The following STAT3 variants were observed in gnomAD, a reference collection of about 807,000 sequenced individuals.
STAT3 encodes the protein signal transducer and activator of transcription 3, also known as DNA-binding protein APRF.
STAT3 carries 7 observed loss-of-function variants against 114.3 expected under a neutral mutation model. The ratio of observed to expected loss-of-function variants is 0.06; its 90% CI spans 0.03 to 0.11. The LOEUF (loss-of-function observed/expected upper bound fraction) is 0.11, where lower values mean the gene tolerates loss of function less well. STAT3 is among the 10% of genes least tolerant of loss of function. The pLI is 1.00. For missense variants in STAT3, 364 were observed against 960.9 expected (o/e 0.38, Z 8.21); for synonymous variants, 331 against 354.5 (o/e 0.93, Z 0.74).
intron 1 of STAT3, among the ~76,000 whole-genome samples, chr17:42,365,652 G>GTT (rs758091970): frequency 2.4e-4 from 28 of 116,944 alleles, no homozygotes; most frequent in African/African-American, 3.7e-4. Flanking sequence ...TTTTTTTTTT[G>GTT]TTTTTTTTTG....
chr17:42,373,566 T>A lies in STAT3; in HGVS notation c.-24+14713A>T, dbSNP rs562004842. The stretch of plus-strand genomic sequence containing the variant: ...ACTCTGCCTCAAAAATAAAATAAAA[T>A]AAAAATAATAAAGTCTATTAATTTT... On this transcript the variant is annotated intron_variant, in intron 1 of 23. Transcript: ENST00000264657. 7.8e-4 allele frequency among the ~76,000 whole-genome samples: 117 copies of A among 149,404 alleles called. 1 individual carries two copies. The highest frequency in any genetic ancestry group is 2.8e-3 in the African/African-American group (114 of 40,618).
chr17:42,379,255 G>A (rs1039690255), intron 1 of STAT3, among the ~76,000 whole-genome samples: 5 of 151,908 alleles, frequency 3.3e-5, no homozygotes, highest in African/African-American at 1.2e-4. Context: ...CCCCGCATAC[G>A]GCCAGGAAAA....
intron 8 of STAT3, among the ~76,000 whole-genome samples, chr17:42,336,364 G>A (rs1394049769): frequency 6.6e-6 from 1 of 152,164 alleles, no homozygotes; most frequent in Admixed American, 6.6e-5. Flanking sequence ...TTGAGAGGCC[G>A]AAGTGGGATG....
rs149735567 is a variant in STAT3 at position 42,318,314 on chromosome 17, A to G, written c.2102-1090T>C. 1.6e-3 allele frequency among the ~76,000 whole-genome samples: 237 copies of G among 151,958 alleles called. 2 individuals are homozygous for G. Among genetic ancestry groups the G allele is most frequent in the African/African-American group, 5.3e-3 (220 of 41,430 alleles). Reference sequence around the variant, plus strand: ...TTTTTTTTTTGTAATTTTAGTAGAGATGAGGTTTCACCATGTTGGCCAGGC... The same window carrying G: ...TTTTTTTTTTGTAATTTTAGTAGAGGTGAGGTTTCACCATGTTGGCCAGGC... On this transcript the variant is annotated intron_variant, in intron 21 of 23. Coordinates refer to ENST00000264657, the MANE Select transcript of STAT3 (RefSeq NM_139276.3).
chr17:42,370,485 A>G (rs1362928774), intron 1 of STAT3, among the ~76,000 whole-genome samples: 2 of 148,812 alleles, frequency 1.3e-5, no homozygotes, highest in African/African-American at 5.0e-5. Context: ...ACCTCGGGTG[A>G]TCTGCCCATC....
At chr17:42,363,048 C>T (rs190691565) in intron 1 of STAT3, among the ~76,000 whole-genome samples, 13 of 152,312 alleles carry the variant, frequency 8.5e-5, no homozygotes, top group Admixed American at 6.5e-4. Context: ...TGCTCACTAG[C>T]GTGTCCTACC....
chr17:42,325,523 TGCTAA>T (rs1168703222), intron 15 of STAT3, among the ~76,000 whole-genome samples: 2 of 152,138 alleles, frequency 1.3e-5, no homozygotes, highest in South Asian at 2.1e-4. Context: ...ACACACTGGC[TGCTAA>T]GACTCTTATG....
chr17:42,379,123 TC>T (rs2084636187), intron 1 of STAT3, among the ~76,000 whole-genome samples: 1 of 152,142 alleles, frequency 6.6e-6, no homozygotes, highest in African/African-American at 2.4e-5. Flanking sequence ...AGAAATGGCT[TC>T]TACAAAAACT....
intron 21 of STAT3, 95 bp downstream of exon 21, chr17:42,322,187 G>A: frequency 8.6e-7 from 1 of 1,162,802 alleles, no homozygotes; most frequent in Non-Finnish European, 1.3e-6. Flanking sequence ...TTATCCCCCA[G>A]GTTATTCAGG....
intron 1 of STAT3, among the ~76,000 whole-genome samples, chr17:42,354,475 T>C (rs1160020400): frequency 3.3e-5 from 5 of 151,666 alleles, no homozygotes; most frequent in Non-Finnish European, 1.5e-5. Context: ...GCCTGTGTTA[T>C]TTCTTAAAAC....
intron 1 of STAT3, among the ~76,000 whole-genome samples, chr17:42,380,269 C>T (rs868795463): frequency 1.7e-4 from 26 of 149,106 alleles, no homozygotes; most frequent in African/African-American, 2.5e-4. Context: ...ACTCCTGACC[C>T]GCCTCGGCCT....
chr17:42,379,203 G>A (rs1409980971), intron 1 of STAT3, among the ~76,000 whole-genome samples: 1 of 152,144 alleles, frequency 6.6e-6, no homozygotes, highest in Non-Finnish European at 1.5e-5. Flanking sequence ...TTATTTCCCA[G>A]AAGGTTTACT....
At chr17:42,381,036 T>TC (rs1418580515) in intron 1 of STAT3, among the ~76,000 whole-genome samples, 1 of 152,220 alleles carries the variant, frequency 6.6e-6, no homozygotes, top group Non-Finnish European at 1.5e-5. Context: ...CAAGTGGACC[T>TC]CGTTTCCACA....
intron 1 of STAT3, among the ~76,000 whole-genome samples, chr17:42,349,512 G>C (rs1238769580): frequency 6.6e-6 from 1 of 152,174 alleles, no homozygotes; most frequent in Non-Finnish European, 1.5e-5. Context: ...AGGTTTAAAA[G>C]TATAAATGAG....
chr17:42,333,617 C>T lies in STAT3; in HGVS notation c.1049+56G>A, dbSNP rs17880663. 8.1e-3 allele frequency: 12,872 copies of T among 1,597,172 alleles called. 63 individuals carry two copies. Among genetic ancestry groups the T allele is most frequent in the Non-Finnish European group, 0.01 (12,002 of 1,165,510 alleles). ...ACCCTGGCCACCAACTCTACCCTCA[C>T]CCTAACAGTGTCCCTCAGTAAAATC... On this transcript the variant is annotated intron_variant, in intron 10 of 23. Transcript: ENST00000264657. The surrounding 1 kb of genome is among the most constrained non-coding windows in gnomAD (Gnocchi z 5.2).
intron 21 of STAT3, among the ~76,000 whole-genome samples, chr17:42,321,894 G>A (rs992684795): frequency 6.6e-6 from 1 of 152,024 alleles, no homozygotes; most frequent in Non-Finnish European, 1.5e-5. Context: ...CATGATCACC[G>A]CTCACTACAG....
At chr17:42,358,719 T>C (rs2083350704) in intron 1 of STAT3, among the ~76,000 whole-genome samples, 1 of 152,152 alleles carries the variant, frequency 6.6e-6, no homozygotes, top group Non-Finnish European at 1.5e-5. Flanking sequence ...CTGACATTTA[T>C]TAGCTATTTG....
At chr17:42,317,426 A>G in intron 21 of STAT3, 1 of 652,090 alleles carries the variant, frequency 1.5e-6, no homozygotes, top group Non-Finnish European at 2.7e-6. Context: ...GCAGCTGTGA[A>G]CTTCAGTTCT....
At chr17:42,329,856 T>TA (rs1415025225) in intron 11 of STAT3, 80 bp from the exon 12 acceptor site, 1 of 1,519,834 alleles carries the variant, frequency 6.6e-7, no homozygotes, top group Non-Finnish European at 9.1e-7. Context: ...TGTTATTTAC[T>TA]GTCATGAAAA....
Sources: allele counts gnomAD v4.1 joint callset (sites outside exome capture counted in the v4.1 genomes callset), GRCh38; gene constraint gnomAD v4.1.1; non-coding constraint Gnocchi (gnomAD v3.1); transcripts MANE v1.5; gene names NCBI Gene and HGNC (gene_info 2026-07-23, HGNC 2026-07-21).